Variants in ARID4B observed in about 807,000 individuals in gnomAD.
ARID4B encodes the protein AT-rich interactive domain-containing protein 4B.
In ARID4B, 26 loss-of-function variants were observed where a neutral mutation model predicts 147.5. That is an observed-to-expected ratio of 0.18 (90% CI 0.13 to 0.24). The LOEUF is 0.24. Ranked by LOEUF, ARID4B falls within the 10% of genes least tolerant of loss-of-function variation. The pLI, the probability that ARID4B is intolerant of heterozygous loss-of-function variation, is 1.00. For synonymous variants in ARID4B, 512 were observed against 507.9 expected, an observed-to-expected ratio of 1.01 and a Z score of -0.11; for missense variants, 1,179 against 1,511.5, an observed-to-expected ratio of 0.78 and a Z score of 3.65.
chr1:235,169,243 T>G (rs1663153900), intron 23 of ARID4B, among the ~76,000 whole-genome samples: 1 of 152,108 alleles, frequency 6.6e-6, no homozygotes. Context: ...TTTTTTTGTT[T>G]GTTTGTTTTT....
chr1:235,285,522 A>C (rs1671916684), intron 2 of ARID4B, among the ~76,000 whole-genome samples: 1 of 152,258 alleles, frequency 6.6e-6, no homozygotes, highest in Non-Finnish European at 1.5e-5. Context: ...TAACGGTGAA[A>C]GACTGAATGC....
At chr1:235,177,620 T>C (rs1663983024) in intron 21 of ARID4B, 180 bp downstream of exon 21, 2 of 497,052 alleles carry the variant, frequency 4.0e-6, no homozygotes, top group South Asian at 3.3e-5. Flanking sequence ...TGCATGTTTT[T>C]TTTTTGTCTA....
At chr1:235,202,232 G>A (rs950567936) in intron 17 of ARID4B, among the ~76,000 whole-genome samples, 1 of 151,804 alleles carries the variant, frequency 6.6e-6, no homozygotes, top group African/African-American at 2.4e-5. Context: ...AAAAAGTATT[G>A]AAACAAATAT....
At chr1:235,275,294 C>T (rs935044367) in intron 2 of ARID4B, among the ~76,000 whole-genome samples, 4 of 152,106 alleles carry the variant, frequency 2.6e-5, no homozygotes, top group African/African-American at 9.7e-5. Context: ...CAAACTGGGC[C>T]GATCGGTTTT....
intron 2 of ARID4B, among the ~76,000 whole-genome samples, chr1:235,263,048 T>C (rs1467731400): frequency 1.3e-5 from 2 of 152,202 alleles, no homozygotes; most frequent in Non-Finnish European, 2.9e-5. Context: ...GTATTACTGC[T>C]ATAAAAACCC....
chr1:235,186,065 G>A (rs1664655339), intron 19 of ARID4B, among the ~76,000 whole-genome samples: 1 of 151,822 alleles, frequency 6.6e-6, no homozygotes, highest in African/African-American at 2.4e-5. Flanking sequence ...CACCTCCCAG[G>A]TTCAAGTGAT....
intron 19 of ARID4B, among the ~76,000 whole-genome samples, chr1:235,188,952 C>A (rs1442858311): frequency 2.0e-5 from 3 of 151,878 alleles, no homozygotes; most frequent in Admixed American, 1.3e-4. Flanking sequence ...CAGAAAAAAG[C>A]AAATTAGAGG....
chr1:235,174,860 C>A (rs1245683068), intron 22 of ARID4B, among the ~76,000 whole-genome samples: 2 of 151,668 alleles, frequency 1.3e-5, no homozygotes, highest in Non-Finnish European at 2.9e-5. Context: ...AATCCCAGCA[C>A]TTTGGGAGGC....
chr1:235,238,109 C>G (rs984118510), intron 8 of ARID4B, among the ~76,000 whole-genome samples: 2 of 144,536 alleles, frequency 1.4e-5, no homozygotes, highest in Admixed American at 7.0e-5. Flanking sequence ...CACCATTGCA[C>G]TCCAGCCTGG....
intron 21 of ARID4B, chr1:235,176,838 C>CA: frequency 4.2e-6 from 2 of 470,636 alleles, no homozygotes; most frequent in Non-Finnish European, 8.8e-6. Context: ...CGGCTGCTAG[C>CA]AAAGGTCAGG....
At chr1:235,277,444 C>T (rs1270953925) in intron 2 of ARID4B, among the ~76,000 whole-genome samples, 1 of 150,912 alleles carries the variant, frequency 6.6e-6, no homozygotes, top group African/African-American at 2.4e-5. Flanking sequence ...GAGGCTGAGG[C>T]AGGAGAATGG....
chr1:235,255,346 T>C (rs1442785856), intron 5 of ARID4B, among the ~76,000 whole-genome samples: 1 of 151,294 alleles, frequency 6.6e-6, no homozygotes, highest in East Asian at 1.9e-4. Context: ...TGAATATCCT[T>C]AACATTACTG....
intron 18 of ARID4B, among the ~76,000 whole-genome samples, chr1:235,195,541 G>A (rs180849638): frequency 6.0e-5 from 9 of 151,196 alleles, no homozygotes; most frequent in African/African-American, 2.2e-4. Flanking sequence ...GCAGTGAGCC[G>A]AGGTTGCACC....
At chr1:235,202,782 T>C (rs1002244904) in intron 17 of ARID4B, among the ~76,000 whole-genome samples, 1 of 152,086 alleles carries the variant, frequency 6.6e-6, no homozygotes, top group African/African-American at 2.4e-5. Context: ...ACTCCTGACC[T>C]TAGGTGATTT....
intron 2 of ARID4B, among the ~76,000 whole-genome samples, chr1:235,323,447 A>T (rs1344687425): frequency 6.6e-6 from 1 of 152,156 alleles, no homozygotes; most frequent in Non-Finnish European, 1.5e-5. Context: ...GACGTTAATA[A>T]CATGTACAAT....
At chr1:235,299,638 G>A (rs1021950854) in intron 2 of ARID4B, among the ~76,000 whole-genome samples, 45 of 152,326 alleles carry the variant, frequency 3.0e-4, no homozygotes, top group Non-Finnish European at 2.2e-4. Flanking sequence ...GCCTATCAGT[G>A]TTTAATGGTA....
chr1:235,183,222 T>C (rs1221343204), intron 19 of ARID4B, among the ~76,000 whole-genome samples: 2 of 152,118 alleles, frequency 1.3e-5, no homozygotes, highest in Non-Finnish European at 2.9e-5. Context: ...TTCTTCTTTT[T>C]TTTTTTTTGA....
chr1:235,188,251 CA>C (rs1168598991), intron 19 of ARID4B, among the ~76,000 whole-genome samples: 1 of 152,040 alleles, frequency 6.6e-6, no homozygotes, highest in African/African-American at 2.4e-5. Flanking sequence ...AAAAGCAACA[CA>C]ATTTGCAAGT....
chr1:235,238,181 G>C (rs937111495), intron 8 of ARID4B, among the ~76,000 whole-genome samples: 6 of 134,446 alleles, frequency 4.5e-5, no homozygotes, highest in Non-Finnish European at 6.4e-5. Flanking sequence ...AAGAAAAAAG[G>C]AAAGTTTATT....
Sources: gnomAD v4.1 joint callset for allele counts (sites outside exome capture counted in the v4.1 genomes callset) on GRCh38, gnomAD v4.1.1 for gene constraint, MANE v1.5 for transcripts, NCBI Gene and HGNC (gene_info 2026-07-23, HGNC 2026-07-21) for gene names.